Variants in FOXP2 observed in about 807,000 individuals in gnomAD.
FOXP2 encodes the protein forkhead box P2.
A neutral mutation model predicts 115.8 loss-of-function variants in FOXP2; 12 were observed. That is an observed-to-expected ratio of 0.10 (90% CI 0.07 to 0.17). The LOEUF is 0.17. Ranked by LOEUF, FOXP2 falls within the 10% of genes least tolerant of loss-of-function variation. The probability of loss-of-function intolerance (pLI) is 1.00; values close to 1 mark genes in which losing one functional copy is unlikely to be tolerated. For missense variants in FOXP2, 629 were observed against 843.5 expected (o/e 0.75, Z 3.15); for synonymous variants, 328 against 297.7 (o/e 1.10, Z -1.05).
chr7:114,424,296 C>A (rs932363607), intron 1 of FOXP2, among the ~76,000 whole-genome samples: 2 of 151,306 alleles, frequency 1.3e-5, no homozygotes, highest in Admixed American at 1.3e-4. Flanking sequence ...AAATGCTGCA[C>A]CTGTCTGCTA....
At chr7:114,459,213 T>A (rs976037782) in intron 2 of FOXP2, among the ~76,000 whole-genome samples, 2 of 152,076 alleles carry the variant, frequency 1.3e-5, no homozygotes, top group African/African-American at 2.4e-5. Flanking sequence ...TCCTGGCAAG[T>A]CAGGAGGGTA....
chr7:114,436,860 G>A (rs1236420674), intron 2 of FOXP2, among the ~76,000 whole-genome samples: 1 of 151,962 alleles, frequency 6.6e-6, no homozygotes, highest in African/African-American at 2.4e-5. Context: ...AGTAGAGAGG[G>A]CATTTCCTTA....
intron 1 of FOXP2, among the ~76,000 whole-genome samples, chr7:114,182,921 T>G (rs1359791843): frequency 1.3e-5 from 2 of 152,026 alleles, no homozygotes; most frequent in Non-Finnish European, 2.9e-5. Flanking sequence ...AAATAACACT[T>G]GTATTATGTT....
intron 10 of FOXP2, among the ~76,000 whole-genome samples, chr7:114,655,563 G>T (rs541570984): frequency 6.6e-6 from 1 of 151,978 alleles, no homozygotes; most frequent in African/African-American, 2.4e-5. Flanking sequence ...GCCTCAGATC[G>T]GTTTGAAAGA....
chr7:114,266,835 T>A (rs1795906797), intron 1 of FOXP2, among the ~76,000 whole-genome samples: 1 of 152,240 alleles, frequency 6.6e-6, no homozygotes, highest in Non-Finnish European at 1.5e-5. Flanking sequence ...TATAAAATTG[T>A]TCACTTGTTC....
intron 1 of FOXP2, among the ~76,000 whole-genome samples, chr7:114,420,421 A>T (rs1852469): frequency 0.057 from 8,718 of 152,006 alleles, 635 homozygotes; most frequent in East Asian, 0.36. Flanking sequence ...TTTACTGTTA[A>T]ATTCTGTTTC....
rs1234175282 is a variant in FOXP2 at position 114,414,900 on chromosome 7, ACACT to A, written c.-467_-464del. Reference sequence around the variant, plus strand: ...CTCTGTCTTTCTCTCTCTCACACACACACTCACACACTCACACACATGCACACAC... The same window carrying A: ...CTCTGTCTTTCTCTCTCTCACACACACACACACTCACACACATGCACACAC... On this transcript the variant is annotated 5_prime_UTR_variant, in exon 1 of 17. It introduces an in-frame stop codon into an upstream open reading frame of the 5' UTR. Coordinates refer to ENST00000350908, the MANE Select transcript of FOXP2 (RefSeq NM_014491.4). The A allele has an allele frequency of 1.1e-4, 38 of 354,508 alleles. No individual in the cohort carries two copies. The highest frequency in any genetic ancestry group is 2.6e-4 in the Admixed American group (7 of 27,422). 22.0% of individuals were successfully genotyped at this position (354,508 alleles called of 1,614,324 possible). A position where few individuals can be genotyped will look rare whatever the true frequency, so the allele number is the denominator to read the frequency against.
intron 3 of FOXP2, among the ~76,000 whole-genome samples, chr7:114,606,702 G>A (rs943512358): frequency 6.6e-6 from 1 of 152,086 alleles, no homozygotes; most frequent in African/African-American, 2.4e-5. Context: ...ATTCTGGAAA[G>A]AACATTCTTA....
At chr7:114,502,784 C>T (rs529416864) in intron 2 of FOXP2, among the ~76,000 whole-genome samples, 13 of 152,052 alleles carry the variant, frequency 8.5e-5, no homozygotes, top group South Asian at 6.2e-4. Flanking sequence ...TCATCAGGGA[C>T]GCTGAGCTAT....
intron 1 of FOXP2, among the ~76,000 whole-genome samples, chr7:114,110,619 A>C (rs1791244352): frequency 6.6e-6 from 1 of 152,088 alleles, no homozygotes; most frequent in Non-Finnish European, 1.5e-5. Context: ...CCAGAAGATA[A>C]TGGTTCTTTT....
intron 2 of FOXP2, among the ~76,000 whole-genome samples, chr7:114,478,368 A>G (rs1000776286): frequency 6.6e-6 from 1 of 151,872 alleles, no homozygotes; most frequent in African/African-American, 2.4e-5. Flanking sequence ...GGCCTAACTT[A>G]TGAGTATAAG....
intron 2 of FOXP2, among the ~76,000 whole-genome samples, chr7:114,480,163 G>T (rs1389203032): frequency 1.3e-5 from 2 of 151,374 alleles, no homozygotes; most frequent in Non-Finnish European, 3.0e-5. Context: ...ACCAAAAGAA[G>T]ATTTTGTTAT....
intron 2 of FOXP2, among the ~76,000 whole-genome samples, chr7:114,326,351 G>T (rs1044462002): frequency 6.6e-6 from 1 of 152,102 alleles, no homozygotes; most frequent in South Asian, 2.1e-4. Flanking sequence ...GCCTAAACCA[G>T]AACCTTGTCT....
At chr7:114,494,456 A>T (rs908725342) in intron 2 of FOXP2, among the ~76,000 whole-genome samples, 3 of 152,158 alleles carry the variant, frequency 2.0e-5, no homozygotes, top group Non-Finnish European at 4.4e-5. Context: ...AGTAGCTGGG[A>T]TTACAAATGC....
intron 2 of FOXP2, among the ~76,000 whole-genome samples, chr7:114,304,197 G>T (rs1916973): frequency 2.0e-5 from 3 of 151,744 alleles, no homozygotes; most frequent in Admixed American, 1.3e-4. Flanking sequence ...AGCTTCTAAA[G>T]GTCTTTAATT....
intron 1 of FOXP2, among the ~76,000 whole-genome samples, chr7:114,135,194 A>AT (rs1370736757): frequency 6.6e-6 from 1 of 152,140 alleles, no homozygotes; most frequent in Non-Finnish European, 1.5e-5. Flanking sequence ...TTGGAATCAA[A>AT]TTTTTTTATT....
chr7:114,559,646 G>T (rs1386393755), intron 3 of FOXP2, among the ~76,000 whole-genome samples: 2 of 152,154 alleles, frequency 1.3e-5, no homozygotes, highest in Non-Finnish European at 2.9e-5. Flanking sequence ...ACTTTGGGAG[G>T]CCAAGGCGGG....
rs555025223 is a variant in FOXP2, at chr7:114,189,414, T to C, written c.-102+26326T>C. Among the ~76,000 whole-genome samples the C allele has an allele frequency of 1.8e-4, 28 of 152,312 alleles. No individual in the cohort carries two copies. The South Asian group carries it at 5.4e-3, about 29-fold the overall frequency. On this transcript the variant is annotated intron_variant, in intron 1 of 17. Coordinates refer to the FOXP2 transcript ENST00000634411. Reference sequence around the variant, plus strand: ...CATTCCAGTAATGTATAGATTTAGATGGTAAACCTTTAAAATTATATGTGG... The same window carrying C: ...CATTCCAGTAATGTATAGATTTAGACGGTAAACCTTTAAAATTATATGTGG...
At chr7:114,441,052 T>C (rs1246448625) in intron 2 of FOXP2, among the ~76,000 whole-genome samples, 1 of 152,212 alleles carries the variant, frequency 6.6e-6, no homozygotes, top group Non-Finnish European at 1.5e-5. Context: ...TCATATATAA[T>C]TTTATTGACT....
Sources: gnomAD v4.1 joint callset for allele counts (sites outside exome capture counted in the v4.1 genomes callset) on GRCh38, gnomAD v4.1.1 for gene constraint, MANE v1.5 for transcripts, NCBI Gene and HGNC (gene_info 2026-07-23, HGNC 2026-07-21) for gene names.